LPP: variants seen among roughly 807,000 people sequenced by gnomAD.
LPP encodes LIM domain containing preferred translocation partner in lipoma.
A neutral mutation model predicts 60.4 loss-of-function variants in LPP; 38 were observed. The observed-to-expected ratio is 0.63, with a 90% CI of 0.49 to 0.83. The LOEUF is 0.83. Ranked by LOEUF, LPP falls within the 40% of genes least tolerant of loss-of-function variation. The pLI is 0.00. For missense variants in LPP, 902 were observed against 783.6 expected, an observed-to-expected ratio of 1.15 and a Z score of -1.80; for synonymous variants, 328 against 290.8, an observed-to-expected ratio of 1.13 and a Z score of -1.30.
chr3:188,825,088 T>C (rs887386812), intron 9 of LPP, among the ~76,000 whole-genome samples: 1 of 152,210 alleles, frequency 6.6e-6, no homozygotes, highest in African/African-American at 2.4e-5. Context: ...TGTCTGAGTT[T>C]GAAAGTTCTT....
chr3:188,292,212 G>A (rs1035631438), intron 2 of LPP, among the ~76,000 whole-genome samples: 2 of 152,344 alleles, frequency 1.3e-5, no homozygotes, highest in East Asian at 3.9e-4. Context: ...GAAACAGGAT[G>A]TGCAAACTTG....
intron 10 of LPP, among the ~76,000 whole-genome samples, chr3:188,870,685 A>G (rs140245853): frequency 2.0e-5 from 3 of 152,342 alleles, no homozygotes; most frequent in African/African-American, 2.4e-5. Context: ...TTTTACGATT[A>G]TTGTCCACTC....
chr3:188,283,341 T>C (rs557192028), intron 2 of LPP, among the ~76,000 whole-genome samples: 59 of 152,196 alleles, frequency 3.9e-4, no homozygotes, highest in Non-Finnish European at 6.9e-4. Flanking sequence ...CAGTTGCCCC[T>C]GTTACAAGGA....
intron 6 of LPP, among the ~76,000 whole-genome samples, chr3:188,550,779 A>T (rs1374855989): frequency 6.6e-6 from 1 of 152,058 alleles, no homozygotes; most frequent in African/African-American, 2.4e-5. Context: ...ATTATGGTTT[A>T]AAAAGGTTGC....
chr3:188,244,950 A>G (rs1427581029), intron 2 of LPP, among the ~76,000 whole-genome samples: 2 of 152,106 alleles, frequency 1.3e-5, no homozygotes, highest in Admixed American at 1.3e-4. Context: ...TACTAGGCAT[A>G]TGTTCCTTGA....
At chr3:188,238,793 A>G (rs573387132) in intron 2 of LPP, among the ~76,000 whole-genome samples, 1 of 152,240 alleles carries the variant, frequency 6.6e-6, no homozygotes, top group Admixed American at 6.5e-5. Context: ...GATAGTTACC[A>G]AAAGGTGACA....
At chr3:188,822,657 G>T (rs1326635028) in intron 9 of LPP, among the ~76,000 whole-genome samples, 1 of 152,120 alleles carries the variant, frequency 6.6e-6, no homozygotes, top group Non-Finnish European at 1.5e-5. Flanking sequence ...TACCCATTCT[G>T]ATGCACTGAT....
chr3:188,293,727 T>C (rs767047196), intron 2 of LPP, among the ~76,000 whole-genome samples: 6 of 152,136 alleles, frequency 3.9e-5, no homozygotes, highest in Non-Finnish European at 7.4e-5. Context: ...TGATATGGAC[T>C]ACAACATGGA....
chr3:188,746,653 T>C, intron 8 of LPP: 1 of 421,888 alleles, frequency 2.4e-6, no homozygotes. Flanking sequence ...ATGCAGTTTC[T>C]GTGGACTTAC....
intron 4 of LPP, among the ~76,000 whole-genome samples, chr3:188,443,399 T>C (rs1387303038): frequency 6.6e-6 from 1 of 152,240 alleles, no homozygotes; most frequent in African/African-American, 2.4e-5. Context: ...GTGAAGGCTC[T>C]GTGGCCTGGC....
intron 2 of LPP, among the ~76,000 whole-genome samples, chr3:188,318,787 C>T (rs1755974684): frequency 9.6e-6 from 1 of 104,280 alleles, no homozygotes; most frequent in African/African-American, 4.1e-5. Flanking sequence ...GAGACGGAGT[C>T]TCGCTCTGTC....
intron 6 of LPP, among the ~76,000 whole-genome samples, chr3:188,566,826 G>A (rs544067004): frequency 1.3e-5 from 2 of 151,818 alleles, no homozygotes; most frequent in South Asian, 4.2e-4. Context: ...GGGTGGAGAA[G>A]GGGAGTAAGG....
intron 4 of LPP, among the ~76,000 whole-genome samples, chr3:188,457,739 AAT>A (rs57639615): frequency 1.4e-5 from 2 of 140,074 alleles, no homozygotes; most frequent in East Asian, 2.1e-4. Context: ...AAAAAAAAAA[AAT>A]ATATATATAT....
chr3:188,333,888 AG>A (rs575991449), intron 2 of LPP, among the ~76,000 whole-genome samples: 166 of 152,302 alleles, frequency 1.1e-3, no homozygotes, highest in Admixed American at 1.4e-3. Context: ...AACATTCAAA[AG>A]CCACTCTTCT....
At chr3:188,659,802 G>A (rs1320183641) in intron 7 of LPP, among the ~76,000 whole-genome samples, 1 of 130,860 alleles carries the variant, frequency 7.6e-6, no homozygotes. Flanking sequence ...TGTGGGGTTA[G>A]ATCCTATGCA....
chr3:188,611,324 C>T (rs889624791), intron 7 of LPP, among the ~76,000 whole-genome samples: 1 of 152,130 alleles, frequency 6.6e-6, no homozygotes, highest in African/African-American at 2.4e-5. Flanking sequence ...AATGTTATTA[C>T]AGTTTTTTAT....
intron 3 of LPP, among the ~76,000 whole-genome samples, chr3:188,360,311 C>G (rs1478734680): frequency 2.0e-5 from 3 of 152,108 alleles, no homozygotes; most frequent in African/African-American, 7.2e-5. Context: ...ATTCTGTGGG[C>G]TTATGTTTAT....
intron 2 of LPP, chr3:188,247,142 G>C (rs990091976): frequency 3.0e-6 from 3 of 984,234 alleles, no homozygotes; most frequent in Non-Finnish European, 3.6e-6. Context: ...AGCTCTTTTC[G>C]GCATGAAGGC....
At chr3:188,189,781 C>T (rs550613290) in intron 1 of LPP, among the ~76,000 whole-genome samples, 3 of 152,282 alleles carry the variant, frequency 2.0e-5, no homozygotes, top group South Asian at 4.1e-4. Context: ...TGAGCTCTGC[C>T]AGGGTCCTTT....
Sources: allele counts gnomAD v4.1 joint callset (sites outside exome capture counted in the v4.1 genomes callset), GRCh38; gene constraint gnomAD v4.1.1; transcripts MANE v1.5; gene names NCBI Gene and HGNC (gene_info 2026-07-23, HGNC 2026-07-21).